The following KCNMA1 variants were observed in gnomAD, a reference collection of about 807,000 sequenced individuals.
KCNMA1 encodes Calcium-activated potassium channel subunit alpha-1.
KCNMA1 carries 29 observed loss-of-function variants against 140.0 expected under a neutral mutation model. The observed-to-expected ratio is 0.21, with a 90% CI of 0.15 to 0.28. The LOEUF (loss-of-function observed/expected upper bound fraction) is 0.28, where lower values mean the gene tolerates loss of function less well. Ranked by LOEUF, KCNMA1 falls within the 10% of genes least tolerant of loss-of-function variation. KCNMA1 has a pLI of 1.00. For missense variants in KCNMA1, 880 were observed against 1,602.2 expected, an observed-to-expected ratio of 0.55 and a Z score of 7.70; for synonymous variants, 612 against 611.9, an observed-to-expected ratio of 1.00 and a Z score of 0.00.
intron 14 of KCNMA1, among the ~76,000 whole-genome samples, chr10:77,070,250 G>A (rs2096141468): frequency 6.6e-6 from 1 of 152,138 alleles, no homozygotes; most frequent in South Asian, 2.1e-4. Flanking sequence ...GCTGAGGCAG[G>A]AGGATTGCTT....
At chr10:77,106,178 C>A (rs768564014) in intron 9 of KCNMA1, among the ~76,000 whole-genome samples, 1 of 151,992 alleles carries the variant, frequency 6.6e-6, no homozygotes, top group Non-Finnish European at 1.5e-5. Flanking sequence ...GATGACAGGA[C>A]GGACTCTGTG....
intron 23 of KCNMA1, among the ~76,000 whole-genome samples, chr10:76,919,322 AAAAAT>A (rs1418622286): frequency 6.6e-6 from 1 of 152,232 alleles, no homozygotes; most frequent in African/African-American, 2.4e-5. Context: ...TGGAAACAAT[AAAAAT>A]AAAATAAATA....
intron 19 of KCNMA1, among the ~76,000 whole-genome samples, chr10:77,000,870 ATATATAT>A (rs1484782851): frequency 1.1e-5 from 1 of 88,684 alleles, no homozygotes; most frequent in African/African-American, 4.7e-5. Context: ...ATATATATAT[ATATATAT>A]ATATATATAT....
In KCNMA1 at chr10:77,476,658, T is replaced by C. The variant is rs562981234; in HGVS notation, c.379-72635A>G. On this transcript the variant is annotated intron_variant, in intron 1 of 27. Transcript: ENST00000286628. ...GAAGAAAATGTCTCCAGTGGACTGA[T>C]AATGTCATCGTCTGCTGCTCAGGTG... is the stretch of plus-strand genomic sequence containing the variant. Among the ~76,000 whole-genome samples, 74 of 152,330 alleles carry C rather than the reference T, an allele frequency of 4.9e-4. 1 individual carries two copies. Among genetic ancestry groups the C allele is most frequent in the South Asian group, 4.4e-3 (21 of 4,824 alleles).
At chr10:77,213,206 C>T (rs61867048) in intron 3 of KCNMA1, among the ~76,000 whole-genome samples, 7,860 of 152,160 alleles carry the variant, frequency 0.052, 240 homozygotes, top group Non-Finnish European at 0.067. Flanking sequence ...TACTCTGCAA[C>T]GAGCAAAAAC....
chr10:77,365,523 G>T (rs1443671702), intron 2 of KCNMA1, among the ~76,000 whole-genome samples: 1 of 152,212 alleles, frequency 6.6e-6, no homozygotes, highest in African/African-American at 2.4e-5. Context: ...CAGAGGAGGG[G>T]TAACTTGGAG....
chr10:77,582,393 A>G (rs2076129733), intron 1 of KCNMA1, among the ~76,000 whole-genome samples: 2 of 152,230 alleles, frequency 1.3e-5, no homozygotes, highest in South Asian at 4.1e-4. Context: ...GCTAGTGATT[A>G]AAGTTGATAT....
chr10:77,380,348 C>T (rs1450996315), intron 2 of KCNMA1, among the ~76,000 whole-genome samples: 1 of 152,114 alleles, frequency 6.6e-6, no homozygotes, highest in Non-Finnish European at 1.5e-5. Flanking sequence ...TTTAGGAAGC[C>T]CAGCCTGGTC....
At chr10:77,339,776 G>T (rs938388767) in intron 2 of KCNMA1, among the ~76,000 whole-genome samples, 3 of 152,228 alleles carry the variant, frequency 2.0e-5, no homozygotes, top group African/African-American at 7.2e-5. Context: ...AGCTATAGGT[G>T]GCCACGCCAC....
At chr10:77,097,650 G>A (rs1000869912) in intron 9 of KCNMA1, among the ~76,000 whole-genome samples, 5 of 152,038 alleles carry the variant, frequency 3.3e-5, no homozygotes, top group African/African-American at 1.2e-4. Flanking sequence ...ATGAGAGTGT[G>A]TATCAGTCCC....
chr10:77,059,625 A>G (rs2095664622), intron 14 of KCNMA1, among the ~76,000 whole-genome samples: 1 of 152,170 alleles, frequency 6.6e-6, no homozygotes, highest in South Asian at 2.1e-4. Flanking sequence ...TTGATGCAGG[A>G]AAGCATTTAG....
chr10:76,964,506 G>A (rs1461685828), intron 20 of KCNMA1, among the ~76,000 whole-genome samples: 1 of 152,078 alleles, frequency 6.6e-6, no homozygotes, highest in African/African-American at 2.4e-5. Flanking sequence ...TCAGTACCAT[G>A]ACACCAACTA....
chr10:77,139,560 T>C (rs1032329256), intron 5 of KCNMA1, among the ~76,000 whole-genome samples: 2 of 152,174 alleles, frequency 1.3e-5, no homozygotes, highest in Non-Finnish European at 2.9e-5. Context: ...CACATCAGAA[T>C]CCTAAACTAG....
intron 2 of KCNMA1, among the ~76,000 whole-genome samples, chr10:77,383,522 A>G (rs998925341): frequency 2.6e-5 from 4 of 152,010 alleles, no homozygotes; most frequent in Admixed American, 1.3e-4. Context: ...GTACATTCAC[A>G]TGGTCGCTCA....
downstream of KCNMA1, among the ~76,000 whole-genome samples, chr10:76,879,918 G>T (rs1475215277): frequency 6.6e-6 from 1 of 152,180 alleles, no homozygotes; most frequent in Non-Finnish European, 1.5e-5. Context: ...TTTTCCAGGG[G>T]TTTATGTGTA....
intron 18 of KCNMA1, among the ~76,000 whole-genome samples, chr10:77,007,113 T>C (rs1257989073): frequency 1.3e-5 from 2 of 152,176 alleles, no homozygotes; most frequent in Admixed American, 6.5e-5. Flanking sequence ...CAAACATGAA[T>C]AAAGACCCAA....
At chr10:76,880,594 A>G (rs1026325040), downstream of KCNMA1, among the ~76,000 whole-genome samples, 3 of 152,250 alleles carry the variant, frequency 2.0e-5, no homozygotes, top group Non-Finnish European at 2.9e-5. Flanking sequence ...ACATGCTTCC[A>G]AGGAACACAC....
chr10:77,072,656 T>C (rs2096256546), intron 14 of KCNMA1, among the ~76,000 whole-genome samples: 2 of 152,112 alleles, frequency 1.3e-5, no homozygotes, highest in Non-Finnish European at 2.9e-5. Context: ...AATAAATGAA[T>C]TATGCTGTTG....
At chr10:77,588,977 A>G (rs11002212) in intron 1 of KCNMA1, among the ~76,000 whole-genome samples, 27,835 of 152,286 alleles carry the variant, frequency 0.18, 3,130 homozygotes, top group Middle Eastern at 0.26. Context: ...TGAATACTTC[A>G]GACTGTGCAG....
Sources: allele counts gnomAD v4.1 joint callset (sites outside exome capture counted in the v4.1 genomes callset), GRCh38; gene constraint gnomAD v4.1.1; transcripts MANE v1.5; gene names NCBI Gene and HGNC (gene_info 2026-07-23, HGNC 2026-07-21).